Variants in PTPRS observed in about 807,000 individuals in gnomAD.
PTPRS encodes receptor-type tyrosine-protein phosphatase S.
In PTPRS, 63 loss-of-function variants were observed where a neutral mutation model predicts 215.3. That is an observed-to-expected ratio of 0.29 (90% CI 0.24 to 0.36). The LOEUF (loss-of-function observed/expected upper bound fraction) is 0.36, where lower values mean the gene tolerates loss of function less well. Among genes scored for constraint, PTPRS ranks in the 10% least tolerant of loss-of-function variants. The pLI is 1.00. For missense variants in PTPRS, 2,258 were observed against 2,825.8 expected (o/e 0.80, Z 4.56); for synonymous variants, 1,404 against 1,191.4 (o/e 1.18, Z -3.68).
chr19:5,312,692 G>C (rs1166127903), intron 1 of PTPRS, among the ~76,000 whole-genome samples: 1 of 151,920 alleles, frequency 6.6e-6, no homozygotes, highest in African/African-American at 2.4e-5. Context: ...TAAAATAATA[G>C]CAATAGTAAC....
chr19:5,208,121 C>T (rs1441851775), intron 36 of PTPRS, 64 bp from the exon 37 acceptor site: 32 of 1,581,826 alleles, frequency 2.0e-5, no homozygotes, highest in Non-Finnish European at 2.4e-5. Context: ...GATCTGACCA[C>T]CCGATTCCCC....
chr19:5,327,766 A>G (rs1376535312), intron 1 of PTPRS, among the ~76,000 whole-genome samples: 1 of 151,724 alleles, frequency 6.6e-6, no homozygotes, highest in Admixed American at 6.6e-5. Flanking sequence ...ACACCCGGCT[A>G]ATTTTTTTAC....
chr19:5,229,530 C>T lies in PTPRS; in HGVS notation c.2310G>A (p.Gly770=). 2 of 1,465,736 alleles carry T rather than the reference C, an allele frequency of 1.4e-6. No individual in the cohort carries two copies. Among genetic ancestry groups the T allele is most frequent in the Non-Finnish European group, 1.8e-6 (2 of 1,110,908 alleles). The allele number at this position is 1,465,736 out of a possible 1,614,324, so 90.8% of individuals were successfully genotyped here. Residue 770 remains glycine, a synonymous_variant, in exon 15 of 38, where the codon GGG becomes GGA. Transcript: ENST00000262963. The part of the protein sequence containing the change: ...YVRMEGAEAR[G]PPRIKDVMLA... ...GCATGACGTCCTTGATGCGCGGCGG[C>T]CCGCGGGCCTCGGCGCCCTCCATGC... is the stretch of plus-strand genomic sequence containing the variant.
At position 5,223,047 on chromosome 19, in the gene PTPRS, C is replaced by G; in HGVS notation, c.2745G>C (p.Glu915Asp). ...LAARSRGGLG[E>D]EAAEVLSIPE... ...GGATGCTCAGGACCTCGGCTGCCTC[C>G]TCGCCCAGGCCGCCGCGGCTCCGGG... Residue 915 changes from glutamate (E) to aspartate (D), a missense_variant, in exon 18 of 38, where the codon GAG becomes GAC. Coordinates refer to ENST00000262963, the MANE Select transcript of PTPRS (RefSeq NM_002850.4). 6.5e-7 allele frequency: 1 copy of G among 1,549,012 alleles called. No individual in the cohort carries two copies. The highest frequency in any genetic ancestry group is 8.7e-7 in the Non-Finnish European group (1 of 1,148,066).
intron 9 of PTPRS, among the ~76,000 whole-genome samples, chr19:5,251,423 T>C (rs1160038788): frequency 6.9e-6 from 1 of 145,972 alleles, no homozygotes; most frequent in Non-Finnish European, 1.5e-5. Flanking sequence ...GGATGCGCTC[T>C]AGATACTTTT....
At chr19:5,334,777 C>A (rs911930606) in intron 1 of PTPRS, among the ~76,000 whole-genome samples, 1 of 152,166 alleles carries the variant, frequency 6.6e-6, no homozygotes, top group Admixed American at 6.5e-5. Context: ...GTGAAGTGAC[C>A]TCAGGCCAGT....
chr19:5,291,003 G>C (rs964318168), intron 1 of PTPRS, among the ~76,000 whole-genome samples: 7 of 152,052 alleles, frequency 4.6e-5, no homozygotes, highest in Non-Finnish European at 1.0e-4. Context: ...CCAAGCCACT[G>C]TCCCTCCCAG....
chr19:5,298,218 C>T lies in PTPRS; in HGVS notation c.-94-11984G>A, dbSNP rs116728945. Among the ~76,000 whole-genome samples, 468 of 152,286 alleles carry T rather than the reference C, an allele frequency of 3.1e-3. 1 individual carries two copies. Among genetic ancestry groups the T allele is most frequent in the African/African-American group, 0.011 (457 of 41,542 alleles). ...TTTAATCAATTCCCACTTGTTTATC[C>T]CATTATGTCCCTTATAAACAACACT... On this transcript the variant is annotated intron_variant, in intron 1 of 37. Coordinates refer to ENST00000262963, the MANE Select transcript of PTPRS (RefSeq NM_002850.4).
chr19:5,208,825 A>G (rs2040607079), intron 35 of PTPRS, among the ~76,000 whole-genome samples: 1 of 151,802 alleles, frequency 6.6e-6, no homozygotes, highest in South Asian at 2.1e-4. Flanking sequence ...TCCATCCTCC[A>G]TCCTTTGCCA....
rs776708266 is a variant in PTPRS at position 5,225,745 on chromosome 19, C to T, written c.2476G>A (p.Val826Ile). 7 of 1,614,048 alleles carry T rather than the reference C, an allele frequency of 4.3e-6. No individual in the cohort carries two copies. The highest frequency in any genetic ancestry group is 5.9e-6 in the Non-Finnish European group (7 of 1,179,986). The change falls in exon 17 of 38, where the codon GTT becomes ATT. Residue 826 changes from valine (V) to isoleucine (I), a missense_variant. Around this residue, in one of 6 missense-constraint regions of PTPRS, gnomAD observed 371 missense variants for 446.7 expected, o/e 0.83. Coordinates refer to ENST00000262963, the MANE Select transcript of PTPRS (RefSeq NM_002850.4). Reference sequence around the variant, plus strand: ...TGCATACCTGCTCCCTTGGTCACAACCACCTTGGGTTTGCTGCGAGCGCCA... The same window carrying T: ...TGCATACCTGCTCCCTTGGTCACAATCACCTTGGGTTTGCTGCGAGCGCCA... ...GDGARSKPKV[V>I]VTKGAVLGRP...
chr19:5,243,978 G>C lies in PTPRS; in HGVS notation c.1493C>G (p.Thr498Ser). 1 of 1,602,632 alleles carries C rather than the reference G, an allele frequency of 6.2e-7. No homozygotes were observed. Among genetic ancestry groups the C allele is most frequent in the Non-Finnish European group, 8.5e-7 (1 of 1,179,754 alleles). Residue 498 changes from threonine (T) to serine (S), a missense_variant, in exon 11 of 38, where the codon ACC becomes AGC. Physicochemically the swap from Thr to Ser is moderately conservative, Grantham distance 58. Around this residue, in one of 6 missense-constraint regions of PTPRS, gnomAD observed 508 missense variants for 799.4 expected, o/e 0.64. Transcript: ENST00000262963. Reference sequence around the variant, plus strand: ...GGAGGTGAAGGCGAGCACCCGCACGGTGTAGGTCTCGTCCTCCAGCAGGCT... The same window carrying C: ...GGAGGTGAAGGCGAGCACCCGCACGCTGTAGGTCTCGTCCTCCAGCAGGCT... ...VGSLLEDETY[T>S]VRVLAFTSVG...
intron 4 of PTPRS, 45 bp from the exon 5 acceptor site, chr19:5,265,241 G>T: frequency 6.5e-7 from 1 of 1,550,288 alleles, no homozygotes. Context: ...TCTGAGCACT[G>T]CACAGCCACT....
rs188393663 is a variant in PTPRS, at chr19:5,211,742, C to T, written c.5082G>A (p.Thr1694=). 5.7e-5 allele frequency: 92 copies of T among 1,613,682 alleles called. No homozygotes were observed. The highest frequency in any genetic ancestry group is 3.0e-4 in the Admixed American group (18 of 60,018). The part of the protein sequence containing the change: ...FKRLANSKAH[T]SRFISANLPC... The stretch of plus-strand genomic sequence containing the variant: ...GCAGATTGGCACTGATGAAGCGTGA[C>T]GTGTGGGCCTTGGAGTTAGCCAGCC... Residue 1694 remains threonine (T), a synonymous_variant, in exon 33 of 38, where the codon ACG becomes ACA. Transcript: ENST00000262963.
At position 5,293,346 on chromosome 19, in the gene PTPRS, G is replaced by C. The variant is rs2049003682; in HGVS notation, c.-94-7112C>G. 6.8e-6 allele frequency: 1 copy of C among 147,000 alleles called. No homozygotes were observed. The allele number at this position is 147,000 out of a possible 1,614,324, so 9.1% of individuals were successfully genotyped here. A position where few individuals can be genotyped will look rare whatever the true frequency, so the allele number is the denominator to read the frequency against. ...CAGTGGGCGGGGCTGCAGGGGACGG[G>C]CCCCGAGGAGGGGGATTGGGGGGCA... On this transcript the variant is annotated intron_variant, in intron 1 of 37. Transcript: ENST00000262963. The surrounding 1 kb of genome is among the most constrained non-coding windows in gnomAD (Gnocchi z 8.4).
rs748137051 is a variant in PTPRS at position 5,240,180 on chromosome 19, C to A, written c.1704+19G>T. 6 of 1,512,582 alleles carry A rather than the reference C, an allele frequency of 4.0e-6. No homozygotes were observed. Among genetic ancestry groups the A allele is most frequent in the Admixed American group, 2.1e-5 (1 of 47,222 alleles). The allele number at this position is 1,512,582 out of a possible 1,614,324, so 93.7% of individuals were successfully genotyped here. ...GGGAGGAGCCCAGGGCAGGCCAGCCCGTCCCCGCGCTGCCTCACCTCCCGG... is the reference window on the plus strand; with the variant it reads ...GGGAGGAGCCCAGGGCAGGCCAGCCAGTCCCCGCGCTGCCTCACCTCCCGG... On this transcript the variant is annotated intron_variant, in intron 12 of 37. Coordinates refer to ENST00000262963, the MANE Select transcript of PTPRS (RefSeq NM_002850.4).
intron 2 of PTPRS, chr19:5,278,170 A>C: frequency 5.5e-6 from 1 of 181,378 alleles, no homozygotes; most frequent in Non-Finnish European, 1.1e-5. Context: ...GTTTAAATAA[A>C]TGTAGAAACT....
chr19:5,322,167 T>C (rs1600121158), intron 1 of PTPRS, among the ~76,000 whole-genome samples: 1 of 152,286 alleles, frequency 6.6e-6, no homozygotes. Flanking sequence ...TGAGCTGGCG[T>C]GAGCCTTTAG....
intron 13 of PTPRS, among the ~76,000 whole-genome samples, chr19:5,231,903 C>G (rs1241874997): frequency 1.3e-5 from 2 of 152,132 alleles, no homozygotes; most frequent in Admixed American, 1.3e-4. Flanking sequence ...AGGCATTGGA[C>G]AGCTATGGTC....
At chr19:5,274,468 AGAG>A (rs2047186150) in intron 2 of PTPRS, 124 bp from the exon 3 acceptor site, 3 of 1,181,174 alleles carry the variant, frequency 2.5e-6, no homozygotes, top group Non-Finnish European at 3.5e-6. Context: ...GCCAATGAAG[AGAG>A]GAGGAGGAAA....
Sources: allele counts gnomAD v4.1 joint callset (sites outside exome capture counted in the v4.1 genomes callset), GRCh38; gene constraint gnomAD v4.1.1; regional missense constraint gnomAD v4.1.1; non-coding constraint Gnocchi (gnomAD v3.1); transcripts MANE v1.5; gene names NCBI Gene and HGNC (gene_info 2026-07-23, HGNC 2026-07-21).